PTPRJ: variants seen among roughly 807,000 people sequenced by gnomAD.
The protein encoded by PTPRJ is receptor-type tyrosine-protein phosphatase eta.
Under a neutral mutation model 141.3 loss-of-function variants are expected in PTPRJ, and 129 were observed. The observed-to-expected ratio is 0.91, with a 90% confidence interval of 0.79 to 1.06. The LOEUF (loss-of-function observed/expected upper bound fraction) is 1.06, where lower values mean the gene tolerates loss of function less well. PTPRJ is among the 50% of genes least tolerant of loss of function. PTPRJ has a pLI of 0.00. For synonymous variants in PTPRJ, 610 were observed against 640.5 expected, an observed-to-expected ratio of 0.95 and a Z score of 0.72; for missense variants, 1,601 against 1,679.7, an observed-to-expected ratio of 0.95 and a Z score of 0.82.
chr11:48,051,636 AG>A (rs1387481135), intron 1 of PTPRJ, among the ~76,000 whole-genome samples: 2 of 152,244 alleles, frequency 1.3e-5, no homozygotes, highest in African/African-American at 2.4e-5. Context: ...CACTGACCTC[AG>A]GGCATTGCAT....
chr11:48,029,030 GT>G (rs1853904967), intron 1 of PTPRJ, among the ~76,000 whole-genome samples: 1 of 152,226 alleles, frequency 6.6e-6, no homozygotes, highest in Non-Finnish European at 1.5e-5. Flanking sequence ...GACACAGGTT[GT>G]CCCTGTGTTG....
At chr11:48,122,753 A>G (rs1387258154) in intron 4 of PTPRJ, among the ~76,000 whole-genome samples, 4 of 152,234 alleles carry the variant, frequency 2.6e-5, no homozygotes, top group African/African-American at 7.2e-5. Context: ...CATGAGAGAC[A>G]TGTGCTGTGA....
At chr11:48,114,494 A>G (rs1444494586) in intron 3 of PTPRJ, among the ~76,000 whole-genome samples, 1 of 151,644 alleles carries the variant, frequency 6.6e-6, no homozygotes, top group African/African-American at 2.4e-5. Context: ...AATTATTGTT[A>G]CAAAAATTTG....
chr11:48,097,273 G>T (rs575331252), intron 1 of PTPRJ, among the ~76,000 whole-genome samples: 48 of 152,294 alleles, frequency 3.2e-4, no homozygotes, highest in Admixed American at 2.5e-3. Flanking sequence ...CACTTTCTAG[G>T]TAGTAGGACC....
At chr11:48,059,345 A>T (rs1277235330) in intron 1 of PTPRJ, among the ~76,000 whole-genome samples, 6 of 151,084 alleles carry the variant, frequency 4.0e-5, no homozygotes, top group Non-Finnish European at 8.9e-5. Flanking sequence ...CTGGTCTGGA[A>T]CTCCTGACCT....
intron 1 of PTPRJ, among the ~76,000 whole-genome samples, chr11:48,035,373 C>G (rs993761301): frequency 6.6e-6 from 1 of 152,164 alleles, no homozygotes; most frequent in Non-Finnish European, 1.5e-5. Flanking sequence ...CAGATGTATA[C>G]ATACACGGTA....
chr11:48,162,720 C>T (rs547131205), intron 22 of PTPRJ, among the ~76,000 whole-genome samples: 1 of 152,276 alleles, frequency 6.6e-6, no homozygotes, highest in Non-Finnish European at 1.5e-5. Flanking sequence ...CTGGTATGGG[C>T]ATAACGAGTA....
chr11:48,042,781 T>TGTGTGA (rs1448694740), intron 1 of PTPRJ, among the ~76,000 whole-genome samples: 9 of 151,178 alleles, frequency 6.0e-5, no homozygotes, highest in African/African-American at 2.0e-4. Flanking sequence ...TGTGTGTGTG[T>TGTGTGA]GTGTGAGAGA....
intron 8 of PTPRJ, among the ~76,000 whole-genome samples, chr11:48,135,491 T>C (rs956713921): frequency 7.1e-6 from 1 of 141,384 alleles, no homozygotes; most frequent in African/African-American, 2.7e-5. Context: ...TTTTTTTTTT[T>C]TTTTTTTTGA....
At chr11:48,038,051 G>A (rs1403024350) in intron 1 of PTPRJ, among the ~76,000 whole-genome samples, 2 of 151,760 alleles carry the variant, frequency 1.3e-5, no homozygotes, top group African/African-American at 4.8e-5. Context: ...ACTGTGTATG[G>A]TTTGGCCTCT....
At chr11:48,096,115 C>T (rs1294188638) in intron 1 of PTPRJ, among the ~76,000 whole-genome samples, 1 of 152,162 alleles carries the variant, frequency 6.6e-6, no homozygotes, top group Non-Finnish European at 1.5e-5. Flanking sequence ...AGTTCATTGC[C>T]GTTTACAGAA....
At chr11:48,143,523 A>C (rs1342406635) in intron 12 of PTPRJ, among the ~76,000 whole-genome samples, 1 of 152,218 alleles carries the variant, frequency 6.6e-6, no homozygotes, top group Non-Finnish European at 1.5e-5. Context: ...ACACGTACAC[A>C]CATGCCATCC....
chr11:48,098,844 A>T (rs1856082925), intron 1 of PTPRJ, among the ~76,000 whole-genome samples: 1 of 152,090 alleles, frequency 6.6e-6, no homozygotes, highest in Non-Finnish European at 1.5e-5. Context: ...ACCTGTATTC[A>T]TTTGTTCCTT....
At chr11:48,140,339 C>T (rs564934583) in intron 11 of PTPRJ, among the ~76,000 whole-genome samples, 1 of 152,158 alleles carries the variant, frequency 6.6e-6, no homozygotes, top group Non-Finnish European at 1.5e-5. Context: ...CGTCTTTTAG[C>T]CCACATCTGT....
intron 1 of PTPRJ, among the ~76,000 whole-genome samples, chr11:48,000,729 G>C (rs1854474209): frequency 6.6e-6 from 1 of 151,844 alleles, no homozygotes; most frequent in African/African-American, 2.4e-5. Flanking sequence ...TTATCACTCA[G>C]GCCCCTCTAT....
chr11:48,109,540 A>C (rs1856385938), intron 1 of PTPRJ, among the ~76,000 whole-genome samples: 1 of 152,192 alleles, frequency 6.6e-6, no homozygotes. Context: ...GGAAAGAAGA[A>C]GATGAATTTT....
intron 3 of PTPRJ, among the ~76,000 whole-genome samples, chr11:48,114,445 A>G (rs1311904718): frequency 1.3e-5 from 2 of 150,982 alleles, no homozygotes; most frequent in African/African-American, 2.4e-5. Flanking sequence ...AAAAAAAAAA[A>G]AAAAAAAAAA....
chr11:48,008,693 T>C (rs1854689802), intron 1 of PTPRJ, among the ~76,000 whole-genome samples: 1 of 152,068 alleles, frequency 6.6e-6, no homozygotes. Context: ...GTCTCCCAAG[T>C]AGCTGAGATT....
Position 48,142,921 on chromosome 11 carries a change from C to G in PTPRJ, c.2446C>G (p.Pro816Ala). The G allele has an allele frequency of 1.9e-6, 3 of 1,612,842 alleles. No homozygotes were observed. The highest frequency in any genetic ancestry group is 2.5e-6 in the Non-Finnish European group (3 of 1,179,368). ...TGTTTTGTTTTGTTTTGTTTTAGATCCCCCTCCTCCAGATGGATCCCCTAA... is the reference window on the plus strand; with the variant it reads ...TGTTTTGTTTTGTTTTGTTTTAGATGCCCCTCCTCCAGATGGATCCCCTAA... ...RNTCTTGITDPPPPDGSPNIT... is the reference protein window; with the variant it reads ...RNTCTTGITDAPPPDGSPNIT... The change falls in exon 12 of 25, where the codon CCC becomes GCC. Residue 816 changes from proline to alanine, a missense_variant and splice_region_variant. Transcript: ENST00000418331.
Sources: allele counts gnomAD v4.1 joint callset (sites outside exome capture counted in the v4.1 genomes callset), GRCh38; gene constraint gnomAD v4.1.1; transcripts MANE v1.5; gene names NCBI Gene and HGNC (gene_info 2026-07-23, HGNC 2026-07-21).